CCNJL: variants seen among roughly 807,000 people sequenced by gnomAD.
CCNJL encodes cyclin J like.
In CCNJL, 33 loss-of-function variants were observed where a neutral mutation model predicts 33.4. The observed-to-expected ratio is 0.99, with a 90% CI of 0.75 to 1.32. The LOEUF is 1.32. Among genes scored for constraint, CCNJL ranks in the 40% most tolerant of loss-of-function variants. CCNJL has a pLI of 0.00. For synonymous variants in CCNJL, 227 were observed against 220.9 expected (o/e 1.03, Z -0.24); for missense variants, 512 against 499.7 (o/e 1.02, Z -0.23).
chr5:160,280,165 T>C (rs867532774), intron 3 of CCNJL, among the ~76,000 whole-genome samples: 18 of 152,234 alleles, frequency 1.2e-4, no homozygotes, highest in South Asian at 2.1e-4. Flanking sequence ...AGGGCACAGG[T>C]TCTGGCACCA....
At chr5:160,335,260 C>T (rs901893662) in intron 1 of CCNJL, among the ~76,000 whole-genome samples, 1 of 152,018 alleles carries the variant, frequency 6.6e-6, no homozygotes, top group Non-Finnish European at 1.5e-5. Context: ...GAGACTCCAT[C>T]TAAAAGAAAA....
chr5:160,290,254 C>T (rs550133475), intron 2 of CCNJL, among the ~76,000 whole-genome samples: 3 of 151,420 alleles, frequency 2.0e-5, no homozygotes, highest in Admixed American at 6.6e-5. Context: ...AAAGTCACTT[C>T]TTTTTTTTCT....
chr5:160,255,571 T>A lies in CCNJL; in HGVS notation c.721A>T (p.Thr241Ser). The change falls in exon 5 of 6, where the codon ACG becomes TCG. Residue 241 changes from threonine (T) to serine (S), a missense_variant. Transcript: ENST00000257536. ...TACACCAGCAGGATTTCAATACACGTGCTGAGGTGCTCCAGGGAATAGCTT... is the reference window on the plus strand; with the variant it reads ...TACACCAGCAGGATTTCAATACACGAGCTGAGGTGCTCCAGGGAATAGCTT... The part of the protein sequence containing the change: ...ISSYSLEHLS[T>S]CIEILLVVYD... 6.2e-7 allele frequency: 1 copy of A among 1,614,140 alleles called. No individual in the cohort carries two copies. Among genetic ancestry groups the A allele is most frequent in the Non-Finnish European group, 8.5e-7 (1 of 1,179,984 alleles).
rs1763688851 is a variant in CCNJL at position 160,336,893 on chromosome 5, A to G, written n.206+2552T>C. On this transcript the variant is annotated intron_variant and non_coding_transcript_variant, in intron 1 of 7. Coordinates refer to the CCNJL transcript ENST00000377503. Reference sequence around the variant, plus strand: ...TATCTCCAAAGACGGCCAAAATTACATCGTTTCTTACCTCTTTCCTGCAAC... The same window carrying G: ...TATCTCCAAAGACGGCCAAAATTACGTCGTTTCTTACCTCTTTCCTGCAAC... 2.7e-5 allele frequency among the ~76,000 whole-genome samples: 4 copies of G among 150,540 alleles called. No homozygotes were observed. The South Asian group carries it at 6.3e-4, about 24-fold the overall frequency.
At chr5:160,283,387 T>C (rs1471310102) in intron 2 of CCNJL, among the ~76,000 whole-genome samples, 1 of 152,160 alleles carries the variant, frequency 6.6e-6, no homozygotes, top group Non-Finnish European at 1.5e-5. Flanking sequence ...GGGGTTTCTT[T>C]TTGGAGTTAT....
intron 4 of CCNJL, among the ~76,000 whole-genome samples, chr5:160,258,767 G>A (rs779014708): frequency 2.0e-5 from 3 of 152,132 alleles, no homozygotes; most frequent in Non-Finnish European, 2.9e-5. Flanking sequence ...CGCAATCTCC[G>A]CTCACTGCAA....
chr5:160,334,822 C>A (rs1353862467), intron 1 of CCNJL, among the ~76,000 whole-genome samples: 1 of 152,236 alleles, frequency 6.6e-6, no homozygotes, highest in Non-Finnish European at 1.5e-5. Flanking sequence ...ATTCTCTGGG[C>A]TTCCAAATCC....
intron 3 of CCNJL, among the ~76,000 whole-genome samples, chr5:160,265,140 A>G (rs951624405): frequency 6.6e-6 from 1 of 152,066 alleles, no homozygotes; most frequent in Non-Finnish European, 1.5e-5. Context: ...CCCACCCCCA[A>G]CTAGACAGAC....
intron 2 of CCNJL, among the ~76,000 whole-genome samples, chr5:160,301,562 T>A (rs968648955): frequency 2.6e-5 from 4 of 151,772 alleles, no homozygotes; most frequent in African/African-American, 9.7e-5. Flanking sequence ...GCTTCCTGAA[T>A]AGCTGTGACT....
chr5:160,271,080 A>G (rs961047317), intron 3 of CCNJL, among the ~76,000 whole-genome samples: 5 of 152,256 alleles, frequency 3.3e-5, no homozygotes, highest in Non-Finnish European at 7.3e-5. Context: ...CTCCTTGAAG[A>G]CAATCTCAAA....
chr5:160,307,214 G>A lies in CCNJL; in HGVS notation c.66+4644C>T, dbSNP rs62377481. On this transcript the variant is annotated intron_variant, in intron 2 of 5. Coordinates refer to ENST00000257536, the MANE Select transcript of CCNJL (RefSeq NM_001308173.3). ...CAGGTGAGGTGGGGGACACCCTGAG[G>A]TCCCTCTCTGACTCAGACACTGGTC... Among the ~76,000 whole-genome samples, 1,395 of 152,334 alleles carry A rather than the reference G, an allele frequency of 9.2e-3. 9 individuals are homozygous for A. Among genetic ancestry groups the A allele is most frequent in the Non-Finnish European group, 0.015 (1,007 of 68,034 alleles).
chr5:160,253,506 G>A lies in CCNJL; in HGVS notation c.1036C>T (p.Pro346Ser), dbSNP rs775331235. ...TGCATGCTAAGGGATGCAGGGACGG[G>A]CACGGGACACATATCCAAGGGCTGC... is the stretch of plus-strand genomic sequence containing the variant. Reference protein sequence around the residue: ...PLQPLDMCPVPVPASLSMHMA... With the variant: ...PLQPLDMCPVSVPASLSMHMA... Residue 346 changes from proline to serine, a missense_variant, in exon 6 of 6, where the codon CCC (proline) becomes TCC (serine). By Grantham distance (74) the Pro-to-Ser change is moderately conservative (BLOSUM62 -1). Coordinates refer to ENST00000257536, the MANE Select transcript of CCNJL (RefSeq NM_001308173.3). 2 of 1,614,194 alleles carry A rather than the reference G, an allele frequency of 1.2e-6. No individual in the cohort carries two copies. Among genetic ancestry groups the A allele is most frequent in the East Asian group, 2.2e-5 (1 of 44,884 alleles).
intron 3 of CCNJL, among the ~76,000 whole-genome samples, chr5:160,261,719 T>C (rs1761344266): frequency 6.6e-6 from 1 of 151,872 alleles, no homozygotes; most frequent in African/African-American, 2.4e-5. Context: ...TCACCCCCCT[T>C]ATCGGTGTCC....
chr5:160,307,068 A>G (rs1763116791), intron 2 of CCNJL, among the ~76,000 whole-genome samples: 1 of 152,240 alleles, frequency 6.6e-6, no homozygotes, highest in South Asian at 2.1e-4. Context: ...CAGATGCCGA[A>G]GACGAGATGA....
chr5:160,331,506 G>A (rs1763607867), intron 1 of CCNJL, among the ~76,000 whole-genome samples: 1 of 152,142 alleles, frequency 6.6e-6, no homozygotes, highest in South Asian at 2.1e-4. Flanking sequence ...TTACAGGCGT[G>A]AGCCACCGTG....
At chr5:160,337,024 G>A (rs75631979) in intron 1 of CCNJL, among the ~76,000 whole-genome samples, 1 of 22,420 alleles carries the variant, frequency 4.5e-5, no homozygotes, top group Non-Finnish European at 1.1e-4. Context: ...TTTTTTTTTT[G>A]ACAGGGTCTA....
intron 3 of CCNJL, among the ~76,000 whole-genome samples, chr5:160,278,191 G>A (rs1762082418): frequency 6.6e-6 from 1 of 152,172 alleles, no homozygotes; most frequent in Non-Finnish European, 1.5e-5. Flanking sequence ...GGAGAGACAA[G>A]GTTTCATCAT....
At position 160,269,610 on chromosome 5, in the gene CCNJL, G is replaced by A. The variant is rs552262786; in HGVS notation, c.281-9839C>T. 1.2e-3 allele frequency: 475 copies of A among 393,618 alleles called. 3 individuals are homozygous for A. The highest frequency in any genetic ancestry group is 2.3e-4 in the Non-Finnish European group (46 of 195,848). The allele number at this position is 393,618 out of a possible 1,614,324, so 24.4% of individuals were successfully genotyped here. On this transcript the variant is annotated intron_variant, in intron 3 of 5. Coordinates refer to ENST00000257536, the MANE Select transcript of CCNJL (RefSeq NM_001308173.3). ...TGGGTACCGCCCTTGTGGTTCAGAG[G>A]GGAGATGCTTCCAGATACAAGAGCT...
intron 3 of CCNJL, among the ~76,000 whole-genome samples, chr5:160,278,120 TG>T (rs1168448629): frequency 6.6e-6 from 1 of 152,182 alleles, no homozygotes; most frequent in Non-Finnish European, 1.5e-5. Context: ...TTAGTCAGGC[TG>T]GTCTCAAACT....
Sources: allele counts gnomAD v4.1 joint callset (sites outside exome capture counted in the v4.1 genomes callset), GRCh38; gene constraint gnomAD v4.1.1; transcripts MANE v1.5; gene names NCBI Gene and HGNC (gene_info 2026-07-23, HGNC 2026-07-21).